Variants in UTP4 observed in about 807,000 individuals in gnomAD.
UTP4 encodes U3 small nucleolar RNA-associated protein 4 homolog.
UTP4 carries 45 observed loss-of-function variants against 82.4 expected under a neutral mutation model. That is an observed-to-expected ratio of 0.55 (90% CI 0.43 to 0.70). UTP4 has a LOEUF of 0.70. UTP4 is among the 30% of genes least tolerant of loss of function. The pLI is 0.00. For missense variants in UTP4, 819 were observed against 858.3 expected (o/e 0.95, Z 0.57); for synonymous variants, 348 against 300.3 (o/e 1.16, Z -1.64).
chr16:69,138,141 T>C (rs780981161), intron 4 of UTP4: 17 of 503,766 alleles, frequency 3.4e-5, no homozygotes, highest in Non-Finnish European at 5.6e-5. Context: ...GGAAGTCAAT[T>C]TGTTAGTTAT....
At chr16:69,139,351 T>G in intron 4 of UTP4, among the ~76,000 whole-genome samples, 1 of 152,010 alleles carries the variant, frequency 6.6e-6, no homozygotes, top group Non-Finnish European at 1.5e-5. Flanking sequence ...AGAAAATAGG[T>G]GTCTCAGCTG....
chr16:69,145,498 C>T (rs531886348), intron 6 of UTP4, among the ~76,000 whole-genome samples: 2 of 152,134 alleles, frequency 1.3e-5, no homozygotes, highest in East Asian at 3.9e-4. Context: ...GGTGATCCAC[C>T]AGCCTCGGCC....
intron 13 of UTP4, among the ~76,000 whole-genome samples, chr16:69,162,757 T>C (rs901089710): frequency 4.1e-5 from 6 of 147,326 alleles, no homozygotes; most frequent in African/African-American, 1.5e-4. Context: ...GGTGTGGTGG[T>C]AGGCGCCTGT....
intron 3 of UTP4, 48 bp downstream of exon 3, chr16:69,136,935 T>A: frequency 6.7e-7 from 1 of 1,497,852 alleles, no homozygotes; most frequent in Non-Finnish European, 9.3e-7. Flanking sequence ...CTCTCGTGCC[T>A]GCTCAGACTT....
intron 6 of UTP4, among the ~76,000 whole-genome samples, chr16:69,148,439 G>A (rs1963178726): frequency 1.3e-5 from 2 of 148,398 alleles, no homozygotes; most frequent in Non-Finnish European, 3.0e-5. Context: ...TATCATGTTG[G>A]CCAGGCTGGT....
intron 12 of UTP4, among the ~76,000 whole-genome samples, chr16:69,158,968 C>G (rs1247099489): frequency 1.3e-5 from 2 of 152,170 alleles, no homozygotes; most frequent in African/African-American, 2.4e-5. Context: ...ACGTGCCCAT[C>G]CTCCCTTAGT....
In UTP4 at chr16:69,147,619, A is replaced by AT. The variant is rs934921215; in HGVS notation, c.739-2909dup. ...GAACCAGAAGTGTTTCAGATTTTGG[A>AT]TTTTTTTTTGGATTTTGGAATATTT... On this transcript the variant is annotated intron_variant, in intron 6 of 16. Transcript: ENST00000314423. Among the ~76,000 whole-genome samples, 12 of 151,724 alleles carry AT rather than the reference A, an allele frequency of 7.9e-5. No homozygotes were observed. In the East Asian group the frequency reaches 1.2e-3, roughly 15 times the overall value.
intron 9 of UTP4, among the ~76,000 whole-genome samples, chr16:69,154,126 G>A (rs1028668778): frequency 6.6e-6 from 1 of 152,018 alleles, no homozygotes; most frequent in Non-Finnish European, 1.5e-5. Flanking sequence ...GATTAAAATC[G>A]AGGCCACACA....
chr16:69,149,855 A>G (rs900463888), intron 6 of UTP4, among the ~76,000 whole-genome samples: 1 of 151,892 alleles, frequency 6.6e-6, no homozygotes, highest in Non-Finnish European at 1.5e-5. Flanking sequence ...CAGCCGTCCA[A>G]ATAGTTGGGA....
intron 8 of UTP4, among the ~76,000 whole-genome samples, chr16:69,151,806 G>A (rs1567375167): frequency 6.6e-6 from 1 of 151,400 alleles, no homozygotes; most frequent in African/African-American, 2.4e-5. Flanking sequence ...AATAGTTGTG[G>A]GTTATGGGAA....
intron 15 of UTP4, chr16:69,166,854 C>G: frequency 1.8e-6 from 1 of 562,322 alleles, no homozygotes; most frequent in Non-Finnish European, 3.2e-6. Flanking sequence ...AGCTTCAGCT[C>G]TTTCTCCCTC....
At chr16:69,154,577 G>A in intron 10 of UTP4, 120 bp downstream of exon 10, 2 of 799,522 alleles carry the variant, frequency 2.5e-6, no homozygotes, top group Non-Finnish European at 4.3e-6. Flanking sequence ...AAAACTATTT[G>A]AATGAAGGAC....
At chr16:69,144,979 T>C (rs1000613921) in intron 6 of UTP4, among the ~76,000 whole-genome samples, 2 of 151,920 alleles carry the variant, frequency 1.3e-5, no homozygotes, top group Non-Finnish European at 2.9e-5. Context: ...CTGTCTCTAC[T>C]AAAAATGCAA....
chr16:69,156,154 CTTT>C (rs36043898), intron 11 of UTP4, among the ~76,000 whole-genome samples, 161 bp downstream of exon 11: 5 of 130,452 alleles, frequency 3.8e-5, no homozygotes, highest in Admixed American at 1.6e-4. Context: ...TTCTTTCTTT[CTTT>C]TTTTTTTTTT....
chr16:69,160,383 C>T lies in UTP4; in HGVS notation c.1472C>T (p.Ala491Val). 6.2e-7 allele frequency: 1 copy of T among 1,614,002 alleles called. No homozygotes were observed. The highest frequency in any genetic ancestry group is 1.1e-5 in the South Asian group (1 of 91,074). The change falls in exon 13 of 17, where the codon GCA (alanine) becomes GTA (valine). Residue 491 changes from alanine (A) to valine (V), a missense_variant. Physicochemically the swap from Ala to Val is moderately conservative, Grantham distance 64 (BLOSUM62 0). Transcript: ENST00000314423. The stretch of plus-strand genomic sequence containing the variant: ...ACAGTGGAGGCCATGTGTCTTTTGG[C>T]AGTCAGTCCAGATGGGAATTGGCTA... ...SGTVEAMCLL[A>V]VSPDGNWLAA...
Position 69,139,918 on chromosome 16 carries a change from A to G in UTP4, c.526+4A>G. Reference sequence around the variant, plus strand: ...AGTGTGTTTGATGTCAAATCAGGTGATTGTTTTTTTCAGTTCATTTGGGGT... The same window carrying G: ...AGTGTGTTTGATGTCAAATCAGGTGGTTGTTTTTTTCAGTTCATTTGGGGT... On this transcript the variant is annotated splice_donor_region_variant and intron_variant, in intron 5 of 16. Transcript: ENST00000314423. The G allele has an allele frequency of 6.2e-7, 1 of 1,604,510 alleles. No homozygotes were observed. The highest frequency in any genetic ancestry group is 1.1e-5 in the South Asian group (1 of 90,884).
chr16:69,151,600 G>A (rs147164789), intron 8 of UTP4, among the ~76,000 whole-genome samples: 3 of 150,774 alleles, frequency 2.0e-5, no homozygotes, highest in Non-Finnish European at 2.9e-5. Flanking sequence ...GCTTACAGGC[G>A]TGAGCCACTG....
chr16:69,161,977 T>G (rs534523826), intron 13 of UTP4, among the ~76,000 whole-genome samples: 79 of 151,240 alleles, frequency 5.2e-4, no homozygotes, highest in Non-Finnish European at 4.9e-4. Flanking sequence ...GGCCTTTTGT[T>G]TTTTTTTTGA....
rs768675212 is a variant in UTP4, at chr16:69,136,899, A to G, written c.351+12A>G. 8 of 1,613,654 alleles carry G rather than the reference A, an allele frequency of 5.0e-6. No homozygotes were observed. Among genetic ancestry groups the G allele is most frequent in the East Asian group, 2.2e-5 (1 of 44,906 alleles). ...GCTCTCAACTTTTGGTTAGTAAGCAACTATTGGTAATTCAAACCAAAATTT... is the reference window on the plus strand; with the variant it reads ...GCTCTCAACTTTTGGTTAGTAAGCAGCTATTGGTAATTCAAACCAAAATTT... On this transcript the variant is annotated intron_variant, in intron 3 of 16. Coordinates refer to ENST00000314423, the MANE Select transcript of UTP4 (RefSeq NM_032830.3).
Sources: gnomAD v4.1 joint callset for allele counts (sites outside exome capture counted in the v4.1 genomes callset) on GRCh38, gnomAD v4.1.1 for gene constraint, MANE v1.5 for transcripts, NCBI Gene and HGNC (gene_info 2026-07-23, HGNC 2026-07-21) for gene names.